EFCAB6: variants seen among roughly 807,000 people sequenced by gnomAD.
The protein encoded by EFCAB6 is EF-hand calcium binding domain 6.
A neutral mutation model predicts 169.8 loss-of-function variants in EFCAB6; 156 were observed. The observed-to-expected ratio is 0.92, with a 90% CI of 0.81 to 1.05. The LOEUF (loss-of-function observed/expected upper bound fraction) is 1.05, where lower values mean the gene tolerates loss of function less well. Among genes scored for constraint, EFCAB6 ranks in the 50% least tolerant of loss-of-function variants. The pLI is 0.00. For missense variants in EFCAB6, 1,800 were observed against 1,829.1 expected (o/e 0.98, Z 0.29); for synonymous variants, 698 against 676.4 (o/e 1.03, Z -0.50).
rs118087544 is a variant in EFCAB6 at position 43,688,052 on chromosome 22, G to A, written c.1032-471C>T. Among the ~76,000 whole-genome samples, 612 of 152,248 alleles carry A rather than the reference G, an allele frequency of 4.0e-3. 3 individuals are homozygous for A. The highest frequency in any genetic ancestry group is 0.017 in the Middle Eastern group (5 of 294). ...CAACTCTCCTGGTTTATCCAAGTGG[G>A]CCCACTCTAATCCCATACATTCTTA... On this transcript the variant is annotated intron_variant, in intron 10 of 31. Transcript: ENST00000262726.
Position 43,537,516 on chromosome 22 carries a change from G to C in EFCAB6, c.3909C>G (p.Gly1303=). The C allele has an allele frequency of 6.2e-7, 1 of 1,614,048 alleles. No homozygotes were observed. Among genetic ancestry groups the C allele is most frequent in the African/African-American group, 1.3e-5 (1 of 75,014 alleles). Residue 1303 remains glycine, a synonymous_variant, in exon 29 of 32, where the codon GGC becomes GGG. Transcript: ENST00000262726. This position sits in a 1 kb window ranked among gnomAD's most constrained non-coding sequence, Gnocchi z 4.3. The stretch of plus-strand genomic sequence containing the variant: ...GATCACAGTTCTGCAAGGGTGGAGT[G>C]CCCGGGATCACGGTGGTGCTCGCTG... The part of the protein sequence containing the change: ...CTPASTTVIP[G]TPPLQNCDPI...
intron 6 of EFCAB6, among the ~76,000 whole-genome samples, chr22:43,754,839 T>C (rs542486535): frequency 6.6e-6 from 1 of 152,158 alleles, no homozygotes. Context: ...TACCCCTAAG[T>C]AATATCAATT....
chr22:43,793,060 C>T (rs1241493708), intron 2 of EFCAB6, among the ~76,000 whole-genome samples: 3 of 152,148 alleles, frequency 2.0e-5, no homozygotes, highest in African/African-American at 7.2e-5. Flanking sequence ...AGGGCTTTGG[C>T]CTCATGCCTT....
chr22:43,590,721 T>G (rs898170928), intron 23 of EFCAB6, among the ~76,000 whole-genome samples: 11 of 132,054 alleles, frequency 8.3e-5, no homozygotes, highest in East Asian at 2.2e-4. Flanking sequence ...TACAGCACGG[T>G]GGGACAGTAG....
At chr22:43,742,596 C>T (rs2060415288) in intron 6 of EFCAB6, among the ~76,000 whole-genome samples, 1 of 152,248 alleles carries the variant, frequency 6.6e-6, no homozygotes, top group Non-Finnish European at 1.5e-5. Context: ...AGGAAATGGG[C>T]CTGCATGGTC....
intron 5 of EFCAB6, 71 bp downstream of exon 5, chr22:43,765,234 T>C: frequency 2.5e-6 from 3 of 1,187,992 alleles, no homozygotes; most frequent in Non-Finnish European, 3.7e-6. Context: ...TTAGTTCCAA[T>C]GGCTTCACGT....
At chr22:43,543,418 C>T (rs949404485) in intron 27 of EFCAB6, among the ~76,000 whole-genome samples, 1 of 152,098 alleles carries the variant, frequency 6.6e-6, no homozygotes, top group Admixed American at 6.5e-5. Flanking sequence ...AGTGTGTGCA[C>T]GGGGCCACTT....
intron 21 of EFCAB6, among the ~76,000 whole-genome samples, chr22:43,614,018 A>C (rs192376355): frequency 6.6e-6 from 1 of 152,062 alleles, no homozygotes; most frequent in South Asian, 2.1e-4. Context: ...TAATGTTTGC[A>C]AAACCTAAAT....
In EFCAB6 at chr22:43,668,932, T is replaced by A. The variant is rs2057372298; in HGVS notation, c.1754A>T (p.Asp585Val). Residue 585 changes from aspartate (D) to valine (V), a missense_variant, in exon 16 of 32, where the codon GAT (aspartate) becomes GTT (valine). Transcript: ENST00000262726. ...PTVSPVLVPK[D>V]QLLSEHLQKD... ...TTGTAAATGTTCACTTAACAGCTGA[T>A]CCTTTGGAACAAGAACTGGAGAGAC... The A allele has an allele frequency of 1.9e-6, 3 of 1,612,796 alleles. 1 individual carries two copies. Among genetic ancestry groups the A allele is most frequent in the South Asian group, 2.2e-5 (2 of 90,644 alleles).
chr22:43,755,530 T>C (rs1048817110), intron 6 of EFCAB6, among the ~76,000 whole-genome samples: 1 of 152,208 alleles, frequency 6.6e-6, no homozygotes, highest in African/African-American at 2.4e-5. Context: ...TAATTAATAT[T>C]CCAGGACTTC....
intron 26 of EFCAB6, among the ~76,000 whole-genome samples, chr22:43,555,479 A>C (rs924776879): frequency 2.6e-5 from 4 of 152,236 alleles, no homozygotes; most frequent in Non-Finnish European, 5.9e-5. Flanking sequence ...CCAGGGAATG[A>C]ACAGGGATTG....
chr22:43,562,089 C>T (rs1479332551), intron 26 of EFCAB6, among the ~76,000 whole-genome samples: 1 of 152,140 alleles, frequency 6.6e-6, no homozygotes, highest in Non-Finnish European at 1.5e-5. Context: ...AAATGGAGTG[C>T]AGTCATATGC....
At position 43,668,881 on chromosome 22, in the gene EFCAB6, A is replaced by AT. The variant is rs1396689658; in HGVS notation, c.1804_1805insA (p.Leu602HisfsTer3). 5.6e-6 allele frequency: 9 copies of AT among 1,593,352 alleles called. No homozygotes were observed. Among genetic ancestry groups the AT allele is most frequent in the Non-Finnish European group, 6.8e-6 (8 of 1,169,776 alleles). ...TTTTGCTTAATTTTACCTCTCAGAA[A>AT]GATCTGGCTGCTGCTGTTCATCTTT... On this transcript the variant is annotated frameshift_variant, in exon 16 of 32. Coordinates refer to ENST00000262726, the MANE Select transcript of EFCAB6 (RefSeq NM_022785.4). LOFTEE classifies it high-confidence loss of function.
At chr22:43,543,629 G>C (rs1231851505) in intron 27 of EFCAB6, among the ~76,000 whole-genome samples, 5 of 152,164 alleles carry the variant, frequency 3.3e-5, no homozygotes, top group African/African-American at 9.7e-5. Flanking sequence ...ACAAAGCAGA[G>C]GTCTGAGGGG....
At position 43,530,945 on chromosome 22, in the gene EFCAB6, G is replaced by A. The variant is rs1236100744; in HGVS notation, c.4253C>T (p.Thr1418Met). ...CAGCAGAGCAGAGTAAAAAGATGGC[G>A]TCTCCGCGCCGGCTTCTTTCTAGAC... ...AHKMKEAGAE[T>M]PSFYSALLRI... The change falls in exon 31 of 32, where the codon ACG becomes ATG. Residue 1418 changes from threonine to methionine, a missense_variant. Coordinates refer to ENST00000262726, the MANE Select transcript of EFCAB6 (RefSeq NM_022785.4). 1 of 1,614,180 alleles carries A rather than the reference G, an allele frequency of 6.2e-7. No individual in the cohort carries two copies. Among genetic ancestry groups the A allele is most frequent in the South Asian group, 1.1e-5 (1 of 91,082 alleles).
intron 8 of EFCAB6, among the ~76,000 whole-genome samples, chr22:43,726,122 T>A (rs1334751503): frequency 6.6e-6 from 1 of 151,830 alleles, no homozygotes; most frequent in East Asian, 1.9e-4. Context: ...TGGGGATACA[T>A]AAAATAATGC....
At chr22:43,660,741 C>T (rs998506218) in intron 17 of EFCAB6, among the ~76,000 whole-genome samples, 13 of 152,034 alleles carry the variant, frequency 8.6e-5, no homozygotes, top group African/African-American at 2.7e-4. Flanking sequence ...TCTTTGTGCC[C>T]GAAACATCTG....
intron 17 of EFCAB6, among the ~76,000 whole-genome samples, chr22:43,637,894 T>C (rs982735786): frequency 1.3e-5 from 2 of 152,232 alleles, no homozygotes; most frequent in Non-Finnish European, 2.9e-5. Flanking sequence ...GAATTATTCA[T>C]GGCAAACTCT....
chr22:43,811,390 G>C (rs1405995956), intron 1 of EFCAB6, among the ~76,000 whole-genome samples: 2 of 132,168 alleles, frequency 1.5e-5, no homozygotes, highest in Non-Finnish European at 3.2e-5. Flanking sequence ...GGAGGGGAGG[G>C]AGAAAAGAAA....
Sources: gnomAD v4.1 joint callset for allele counts (sites outside exome capture counted in the v4.1 genomes callset) on GRCh38, gnomAD v4.1.1 for gene constraint, Gnocchi (gnomAD v3.1) non-coding constraint, MANE v1.5 for transcripts, NCBI Gene and HGNC (gene_info 2026-07-23, HGNC 2026-07-21) for gene names.